Variants in ROR1 observed in about 807,000 individuals in gnomAD.
ROR1 encodes inactive tyrosine-protein kinase transmembrane receptor ROR1.
A neutral mutation model predicts 78.8 loss-of-function variants in ROR1; 19 were observed. That is an observed-to-expected ratio of 0.24 (90% CI 0.17 to 0.35). The LOEUF (loss-of-function observed/expected upper bound fraction) is 0.35. ROR1 is among the 10% of genes least tolerant of loss of function. The probability of loss-of-function intolerance (pLI) is 1.00; values close to 1 mark genes in which losing one functional copy is unlikely to be tolerated. For synonymous variants in ROR1, 386 were observed against 433.6 expected, an observed-to-expected ratio of 0.89 and a Z score of 1.36; for missense variants, 917 against 1,177.8, an observed-to-expected ratio of 0.78 and a Z score of 3.24.
chr1:63,998,954 T>G (rs1389951079), intron 1 of ROR1, among the ~76,000 whole-genome samples: 2 of 152,216 alleles, frequency 1.3e-5, no homozygotes, highest in African/African-American at 4.8e-5. Context: ...TTTCCACTTT[T>G]GCTTCTCTCT....
chr1:63,780,256 T>C (rs1644642796), intron 1 of ROR1, among the ~76,000 whole-genome samples: 1 of 152,084 alleles, frequency 6.6e-6, no homozygotes, highest in Admixed American at 6.6e-5. Context: ...CTATACAGGA[T>C]GGACTTCCTT....
At chr1:63,927,399 G>A (rs1416591054) in intron 1 of ROR1, among the ~76,000 whole-genome samples, 3 of 144,310 alleles carry the variant, frequency 2.1e-5, no homozygotes, top group Non-Finnish European at 4.5e-5. Context: ...ATGTGCTGCT[G>A]GATTTGTTTT....
chr1:63,784,770 T>C (rs932347447), intron 1 of ROR1, among the ~76,000 whole-genome samples: 3 of 152,218 alleles, frequency 2.0e-5, no homozygotes, highest in Non-Finnish European at 4.4e-5. Flanking sequence ...ATGGGTAGTG[T>C]TTGGCACAGT....
At chr1:64,105,646 A>G (rs1489054559) in intron 4 of ROR1, 2 of 152,224 alleles carry the variant, frequency 1.3e-5, no homozygotes, top group East Asian at 3.8e-4. Context: ...GGTATAAGGA[A>G]GGGTGATCCA....
At chr1:63,879,111 G>A (rs653636) in intron 1 of ROR1, among the ~76,000 whole-genome samples, 4 of 152,038 alleles carry the variant, frequency 2.6e-5, no homozygotes, top group African/African-American at 4.8e-5. Context: ...GAGCAGGAAC[G>A]CAAGCTTTGA....
intron 1 of ROR1, among the ~76,000 whole-genome samples, chr1:63,816,931 C>T (rs904336671): frequency 2.6e-5 from 4 of 152,226 alleles, no homozygotes; most frequent in African/African-American, 9.6e-5. Context: ...TGAGTGCTTA[C>T]TGTGTGCCAG....
At chr1:64,163,271 C>T (rs1230574121) in intron 8 of ROR1, among the ~76,000 whole-genome samples, 1 of 145,648 alleles carries the variant, frequency 6.9e-6, no homozygotes, top group African/African-American at 2.7e-5. Flanking sequence ...ACACACAATT[C>T]GCCAGGCATG....
intron 2 of ROR1, among the ~76,000 whole-genome samples, chr1:64,013,940 G>A (rs56274802): frequency 0.03 from 4,558 of 152,340 alleles, 256 homozygotes; most frequent in African/African-American, 0.11. Flanking sequence ...CCTACCAGGC[G>A]TGAGGCACCT....
intron 1 of ROR1, among the ~76,000 whole-genome samples, chr1:63,966,206 AT>A (rs1157464805): frequency 6.6e-6 from 1 of 152,202 alleles, no homozygotes; most frequent in Non-Finnish European, 1.5e-5. Context: ...CAGGCATAAT[AT>A]GCTCAGCAAT....
chr1:63,788,027 G>C (rs375816333), intron 1 of ROR1, among the ~76,000 whole-genome samples: 1 of 152,280 alleles, frequency 6.6e-6, no homozygotes, highest in East Asian at 1.9e-4. Flanking sequence ...TTCATATCCA[G>C]AGCAGGCACT....
chr1:64,158,397 C>T (rs955368014), intron 7 of ROR1, among the ~76,000 whole-genome samples: 1 of 152,218 alleles, frequency 6.6e-6, no homozygotes, highest in Non-Finnish European at 1.5e-5. Flanking sequence ...GGTCACACAG[C>T]TGATCAAAGA....
chr1:63,977,564 G>A (rs1208185008), intron 1 of ROR1, among the ~76,000 whole-genome samples: 2 of 152,120 alleles, frequency 1.3e-5, no homozygotes, highest in Admixed American at 1.3e-4. Context: ...TGACCTTGTA[G>A]GATTATTCTA....
chr1:63,898,889 G>C (rs1051486229), intron 1 of ROR1, among the ~76,000 whole-genome samples: 1 of 152,014 alleles, frequency 6.6e-6, no homozygotes, highest in Non-Finnish European at 1.5e-5. Context: ...GCAACTTTAT[G>C]ATCTGCCCAC....
At chr1:63,965,896 G>T (rs541968418) in intron 1 of ROR1, among the ~76,000 whole-genome samples, 1 of 152,304 alleles carries the variant, frequency 6.6e-6, no homozygotes, top group East Asian at 1.9e-4. Flanking sequence ...GTGGAGTCAG[G>T]TAAACCTGGC....
intron 4 of ROR1, among the ~76,000 whole-genome samples, chr1:64,134,748 C>CTTTT (rs58315931): frequency 4.6e-5 from 6 of 131,576 alleles, no homozygotes; most frequent in Non-Finnish European, 6.4e-5. Context: ...TTCTTTCATT[C>CTTTT]TTTTTTTTTT....
chr1:63,872,959 G>A (rs11801052), intron 1 of ROR1, among the ~76,000 whole-genome samples: 8,399 of 152,110 alleles, frequency 0.055, 585 homozygotes, highest in African/African-American at 0.15. Context: ...TGAGAGGGTG[G>A]GAGATGATTT....
chr1:63,999,236 C>A (rs551106375), intron 1 of ROR1, among the ~76,000 whole-genome samples: 7 of 152,184 alleles, frequency 4.6e-5, no homozygotes, highest in African/African-American at 1.7e-4. Flanking sequence ...AAGACAGATA[C>A]GTGATTATGA....
chr1:63,882,594 G>A (rs1645330393), intron 1 of ROR1, among the ~76,000 whole-genome samples: 1 of 152,176 alleles, frequency 6.6e-6, no homozygotes, highest in Non-Finnish European at 1.5e-5. Flanking sequence ...TCTGTACTCT[G>A]GCTGAAACAA....
chr1:63,875,310 G>T (rs1283850151), intron 1 of ROR1, among the ~76,000 whole-genome samples: 1 of 152,250 alleles, frequency 6.6e-6, no homozygotes, highest in Admixed American at 6.5e-5. Flanking sequence ...AATGAAAAAC[G>T]TCCAGGTCTT....
Sources: gnomAD v4.1 joint callset for allele counts (sites outside exome capture counted in the v4.1 genomes callset) on GRCh38, gnomAD v4.1.1 for gene constraint, MANE v1.5 for transcripts, NCBI Gene and HGNC (gene_info 2026-07-23, HGNC 2026-07-21) for gene names.